PDE4D: variants seen among roughly 807,000 people sequenced by gnomAD.
PDE4D encodes the protein phosphodiesterase 4D, also known as 3',5'-cyclic-AMP phosphodiesterase 4D.
Under a neutral mutation model 87.4 loss-of-function variants are expected in PDE4D, and 24 were observed. That is an observed-to-expected ratio of 0.27 (90% CI 0.20 to 0.39). The LOEUF (loss-of-function observed/expected upper bound fraction) is 0.39, where lower values mean the gene tolerates loss of function less well. PDE4D is among the 10% of genes least tolerant of loss of function. The probability of loss-of-function intolerance (pLI) is 1.00; values close to 1 mark genes in which losing one functional copy is unlikely to be tolerated. For synonymous variants in PDE4D, 384 were observed against 383.2 expected (o/e 1.00, Z -0.02); for missense variants, 714 against 1,041.0 (o/e 0.69, Z 4.32).
chr5:60,362,945 C>G (rs1475029267), intron 1 of PDE4D, among the ~76,000 whole-genome samples: 2 of 151,950 alleles, frequency 1.3e-5, no homozygotes, highest in African/African-American at 4.8e-5. Flanking sequence ...TCCCAATGAG[C>G]CACTTATAAA....
chr5:59,036,777 T>C (rs949127973), intron 6 of PDE4D, among the ~76,000 whole-genome samples: 4 of 152,224 alleles, frequency 2.6e-5, no homozygotes, highest in Non-Finnish European at 5.9e-5. Context: ...CTAAGTTTAA[T>C]GTTAAAAATT....
intron 1 of PDE4D, among the ~76,000 whole-genome samples, chr5:59,305,849 C>T (rs947668555): frequency 1.3e-5 from 2 of 152,070 alleles, no homozygotes; most frequent in African/African-American, 4.8e-5. Context: ...AAGTTCCATG[C>T]ACTGTTGAAT....
At chr5:59,892,294 G>A (rs1049682901) in intron 1 of PDE4D, among the ~76,000 whole-genome samples, 10 of 152,186 alleles carry the variant, frequency 6.6e-5, no homozygotes, top group Non-Finnish European at 1.3e-4. Context: ...CCGGTTGATA[G>A]GCGGCTTCCC....
At chr5:59,290,633 A>G (rs1767837675) in intron 1 of PDE4D, among the ~76,000 whole-genome samples, 1 of 152,132 alleles carries the variant, frequency 6.6e-6, no homozygotes, top group Non-Finnish European at 1.5e-5. Flanking sequence ...AACAATTGAC[A>G]AAGTGAAGAG....
chr5:59,003,660 T>C (rs1443845640), intron 6 of PDE4D, among the ~76,000 whole-genome samples: 2 of 152,166 alleles, frequency 1.3e-5, no homozygotes, highest in African/African-American at 2.4e-5. Context: ...CATGGGGTGA[T>C]AAGCACAATG....
chr5:60,264,621 A>G (rs1749997102), intron 1 of PDE4D, among the ~76,000 whole-genome samples: 1 of 152,236 alleles, frequency 6.6e-6, no homozygotes, highest in Non-Finnish European at 1.5e-5. Flanking sequence ...AAATTCAGCG[A>G]CATCTGTCAA....
intron 1 of PDE4D, among the ~76,000 whole-genome samples, chr5:59,808,582 T>TTG (rs147077089): frequency 0.18 from 26,719 of 150,276 alleles, 2,506 homozygotes; most frequent in Middle Eastern, 0.27. Context: ...TCTATGACGT[T>TTG]TGTGTGTGTG....
intron 1 of PDE4D, among the ~76,000 whole-genome samples, chr5:59,572,991 T>C (rs925948412): frequency 2.2e-4 from 33 of 152,206 alleles, no homozygotes; most frequent in Admixed American, 6.5e-4. Context: ...TTTCTGATCT[T>C]AGTATCATAA....
intron 1 of PDE4D, among the ~76,000 whole-genome samples, chr5:59,389,519 C>T (rs1406580143): frequency 1.3e-5 from 2 of 151,840 alleles, no homozygotes; most frequent in Non-Finnish European, 2.9e-5. Flanking sequence ...TTAGTACAGC[C>T]ATAATAGAAA....
intron 1 of PDE4D, among the ~76,000 whole-genome samples, chr5:60,381,408 T>C (rs1305784724): frequency 6.6e-6 from 1 of 152,242 alleles, no homozygotes; most frequent in African/African-American, 2.4e-5. Flanking sequence ...CACATATCTT[T>C]TGCTTTTCAG....
chr5:59,807,455 G>A (rs1017332128), intron 1 of PDE4D, among the ~76,000 whole-genome samples: 5 of 152,136 alleles, frequency 3.3e-5, no homozygotes, highest in African/African-American at 4.8e-5. Flanking sequence ...GTAGTATGAG[G>A]GTAGGAGGTA....
At chr5:59,915,891 G>A (rs1753985116) in intron 3 of PDE4D, among the ~76,000 whole-genome samples, 1 of 152,078 alleles carries the variant, frequency 6.6e-6, no homozygotes, top group East Asian at 1.9e-4. Flanking sequence ...ATAATCCTTT[G>A]AAAATAACAT....
chr5:59,253,088 T>C (rs1318124699), intron 1 of PDE4D, among the ~76,000 whole-genome samples: 2 of 152,150 alleles, frequency 1.3e-5, no homozygotes. Flanking sequence ...CCCTCTTTTT[T>C]TGATGAGGGA....
chr5:59,530,128 C>T (rs1019512384), intron 1 of PDE4D, among the ~76,000 whole-genome samples: 2 of 152,200 alleles, frequency 1.3e-5, no homozygotes, highest in African/African-American at 2.4e-5. Context: ...GCGTATTTCC[C>T]ATGAAGCACC....
intron 2 of PDE4D, among the ~76,000 whole-genome samples, chr5:60,092,050 C>CAAAAAAAAAAAAAAAAAAAAAAAAAAA (rs66814905): frequency 1.8e-5 from 1 of 55,992 alleles, no homozygotes; most frequent in African/African-American, 8.0e-5. Context: ...AACTCCGTCT[C>CAAAAAAAAAAAAAAAAAAAAAAAAAAA]AAAAAAAAAA....
intron 1 of PDE4D, among the ~76,000 whole-genome samples, chr5:59,742,352 C>T (rs1210845060): frequency 6.6e-6 from 1 of 152,224 alleles, no homozygotes; most frequent in African/African-American, 2.4e-5. Context: ...GCGTGAGCCA[C>T]TGCGTCTGGC....
intron 1 of PDE4D, among the ~76,000 whole-genome samples, chr5:60,393,988 G>C (rs979337724): frequency 6.6e-6 from 1 of 152,136 alleles, no homozygotes; most frequent in Admixed American, 6.5e-5. Context: ...AAATCCATGT[G>C]TATTTTCTAC....
chr5:59,049,295 A>C (rs531882009), intron 5 of PDE4D, among the ~76,000 whole-genome samples: 2 of 152,186 alleles, frequency 1.3e-5, no homozygotes, highest in Non-Finnish European at 1.5e-5. Context: ...CTTGTTTTCT[A>C]TCAGATAAGA....
chr5:60,077,518 A>G (rs752712240), intron 2 of PDE4D, among the ~76,000 whole-genome samples: 3 of 152,160 alleles, frequency 2.0e-5, no homozygotes, highest in Non-Finnish European at 4.4e-5. Flanking sequence ...CTGCACTGCA[A>G]GCACCTGCAG....
Sources: allele counts gnomAD v4.1 joint callset (sites outside exome capture counted in the v4.1 genomes callset), GRCh38; gene constraint gnomAD v4.1.1; transcripts MANE v1.5; gene names NCBI Gene and HGNC (gene_info 2026-07-23, HGNC 2026-07-21).